Variants in DEPTOR observed in about 807,000 individuals in gnomAD.
DEPTOR encodes DEP domain containing MTOR interacting protein, also known as DEP domain-containing mTOR-interacting protein.
DEPTOR carries 41 observed loss-of-function variants against 41.6 expected under a neutral mutation model. That is an observed-to-expected ratio of 0.98 (90% CI 0.77 to 1.28). The LOEUF (loss-of-function observed/expected upper bound fraction) is 1.28, where lower values mean the gene tolerates loss of function less well. Among genes scored for constraint, DEPTOR ranks in the 50% most tolerant of loss-of-function variants. DEPTOR has a pLI of 0.00. For missense variants in DEPTOR, 514 were observed against 527.9 expected, an observed-to-expected ratio of 0.97 and a Z score of 0.26; for synonymous variants, 195 against 192.3, an observed-to-expected ratio of 1.01 and a Z score of -0.12.
At chr8:119,961,148 G>A (rs1201243827) in intron 3 of DEPTOR, among the ~76,000 whole-genome samples, 2 of 151,918 alleles carry the variant, frequency 1.3e-5, no homozygotes, top group African/African-American at 4.8e-5. Context: ...TGGGCACAGT[G>A]GATCACGTCT....
intron 1 of DEPTOR, among the ~76,000 whole-genome samples, chr8:119,889,671 GA>G (rs1827426147): frequency 2.8e-5 from 2 of 71,460 alleles, no homozygotes; most frequent in Non-Finnish European, 6.2e-5. Flanking sequence ...GAGGGGAGGG[GA>G]GAGGAGGGGA....
intron 4 of DEPTOR, among the ~76,000 whole-genome samples, chr8:119,999,758 G>A (rs1262478336): frequency 6.6e-6 from 1 of 152,166 alleles, no homozygotes; most frequent in East Asian, 1.9e-4. Context: ...CTTACATAAT[G>A]TTCTCAAAGT....
chr8:120,020,526 C>T (rs1368074223), intron 8 of DEPTOR, among the ~76,000 whole-genome samples: 1 of 152,206 alleles, frequency 6.6e-6, no homozygotes, highest in Non-Finnish European at 1.5e-5. Flanking sequence ...CAGGCATGAG[C>T]CATCACACCT....
At chr8:119,896,427 C>T (rs1367160055) in intron 1 of DEPTOR, among the ~76,000 whole-genome samples, 4 of 152,120 alleles carry the variant, frequency 2.6e-5, no homozygotes, top group African/African-American at 7.2e-5. Flanking sequence ...CGGTCAGAGG[C>T]GGAGATGCCC....
At chr8:120,032,763 G>A (rs1425742219) in intron 8 of DEPTOR, among the ~76,000 whole-genome samples, 1 of 152,220 alleles carries the variant, frequency 6.6e-6, no homozygotes, top group Non-Finnish European at 1.5e-5. Context: ...AGCCATGGTG[G>A]CTGCTTCACT....
chr8:119,996,633 A>T (rs897159249), intron 4 of DEPTOR, among the ~76,000 whole-genome samples: 2 of 152,234 alleles, frequency 1.3e-5, no homozygotes, highest in African/African-American at 4.8e-5. Flanking sequence ...TGGAGGAGAT[A>T]CATAATTAGG....
intron 8 of DEPTOR, among the ~76,000 whole-genome samples, chr8:120,031,087 T>C (rs1812884149): frequency 6.6e-6 from 1 of 152,198 alleles, no homozygotes; most frequent in Non-Finnish European, 1.5e-5. Flanking sequence ...CCCAGTACTT[T>C]GGGGGCCCAA....
At chr8:119,952,224 C>A (rs1047993215) in intron 3 of DEPTOR, among the ~76,000 whole-genome samples, 4 of 152,132 alleles carry the variant, frequency 2.6e-5, no homozygotes, top group Non-Finnish European at 5.9e-5. Context: ...TGGATTGCTC[C>A]TTAGTTGGGA....
chr8:119,966,705 G>A (rs1828566761), intron 4 of DEPTOR, among the ~76,000 whole-genome samples: 1 of 151,892 alleles, frequency 6.6e-6, no homozygotes, highest in Admixed American at 6.6e-5. Context: ...TCTAACTACT[G>A]GCCTCAAGTG....
intron 4 of DEPTOR, among the ~76,000 whole-genome samples, chr8:119,984,584 C>A (rs1343713784): frequency 6.6e-6 from 1 of 152,164 alleles, no homozygotes; most frequent in African/African-American, 2.4e-5. Flanking sequence ...CATGTCCCTG[C>A]AAAGGACATG....
At chr8:119,918,359 G>A (rs1478321915) in intron 1 of DEPTOR, among the ~76,000 whole-genome samples, 1 of 152,100 alleles carries the variant, frequency 6.6e-6, no homozygotes, top group Non-Finnish European at 1.5e-5. Flanking sequence ...GTCCTGGAAG[G>A]GCTCTGTATA....
intron 3 of DEPTOR, among the ~76,000 whole-genome samples, chr8:119,950,998 G>C (rs1309367379): frequency 6.6e-6 from 1 of 152,014 alleles, no homozygotes; most frequent in Non-Finnish European, 1.5e-5. Flanking sequence ...GCTTGAGCCT[G>C]GAAAGTCAAG....
chr8:119,924,011 A>G (rs569712942), intron 1 of DEPTOR, among the ~76,000 whole-genome samples: 18 of 150,622 alleles, frequency 1.2e-4, no homozygotes, highest in Admixed American at 9.3e-4. Flanking sequence ...TCCATACTCT[A>G]TCTGTGCTTG....
chr8:119,987,702 G>C (rs1037770870), intron 4 of DEPTOR, among the ~76,000 whole-genome samples: 29 of 152,198 alleles, frequency 1.9e-4, no homozygotes, highest in African/African-American at 6.8e-4. Flanking sequence ...GACTGGGGCT[G>C]CTGCCTTTCT....
chr8:119,875,698 G>T (rs1207092366), intron 1 of DEPTOR, among the ~76,000 whole-genome samples: 2 of 152,188 alleles, frequency 1.3e-5, no homozygotes, highest in African/African-American at 4.8e-5. Flanking sequence ...GGGACGAGGG[G>T]TGCAGGGGAA....
chr8:119,984,427 C>G (rs1455800295), intron 4 of DEPTOR, among the ~76,000 whole-genome samples: 1 of 152,226 alleles, frequency 6.6e-6, no homozygotes, highest in South Asian at 2.1e-4. Context: ...TAACTCCCCA[C>G]CCACCAACAG....
At chr8:119,875,626 C>T (rs928500957) in intron 1 of DEPTOR, among the ~76,000 whole-genome samples, 1 of 152,094 alleles carries the variant, frequency 6.6e-6, no homozygotes, top group African/African-American at 2.4e-5. Flanking sequence ...GCAGTACAGC[C>T]CAGGTAAGCT....
At chr8:119,962,807 G>C (rs1828510172) in intron 3 of DEPTOR, among the ~76,000 whole-genome samples, 1 of 152,180 alleles carries the variant, frequency 6.6e-6, no homozygotes, top group African/African-American at 2.4e-5. Flanking sequence ...CTAAGGTAGT[G>C]GCAGTGCCTG....
At chr8:120,013,257 A>T (rs1425223274) in intron 8 of DEPTOR, among the ~76,000 whole-genome samples, 1 of 152,050 alleles carries the variant, frequency 6.6e-6, no homozygotes, top group Admixed American at 6.6e-5. Context: ...AGAGATATAC[A>T]TTTTTAGTAT....
Sources: gnomAD v4.1 joint callset for allele counts (sites outside exome capture counted in the v4.1 genomes callset) on GRCh38, gnomAD v4.1.1 for gene constraint, MANE v1.5 for transcripts, NCBI Gene and HGNC (gene_info 2026-07-23, HGNC 2026-07-21) for gene names.